GPC6: variants seen among roughly 807,000 people sequenced by gnomAD.
GPC6 encodes glypican 6.
In GPC6, 14 loss-of-function variants were observed where a neutral mutation model predicts 55.2. That is an observed-to-expected ratio of 0.25 (90% CI 0.17 to 0.40). The LOEUF (loss-of-function observed/expected upper bound fraction) is 0.40. GPC6 is among the 10% of genes least tolerant of loss of function. The pLI, the probability that GPC6 is intolerant of heterozygous loss-of-function variation, is 1.00. For synonymous variants in GPC6, 278 were observed against 259.6 expected (o/e 1.07, Z -0.68); for missense variants, 641 against 708.5 (o/e 0.90, Z 1.08).
intron 2 of GPC6, among the ~76,000 whole-genome samples, chr13:93,668,869 T>A (rs574296696): frequency 6.6e-6 from 1 of 152,368 alleles, no homozygotes; most frequent in African/African-American, 2.4e-5. Context: ...AAACGTAGGC[T>A]GCTTACCTGG....
In GPC6 at chr13:93,813,228, C is replaced by A. The variant is rs1218160679; in HGVS notation, c.320-16926C>A. Among the ~76,000 whole-genome samples, 3 of 152,060 alleles carry A rather than the reference C, an allele frequency of 2.0e-5. No homozygotes were observed. The East Asian group carries it at 5.8e-4, about 29-fold the overall frequency. On this transcript the variant is annotated intron_variant, in intron 2 of 8. Transcript: ENST00000377047. ...GTCAGGAGTTCGAGACCAGCCTGAT[C>A]AACTTGGTGAAACCCCCGTCTCTAC...
At chr13:93,537,078 TG>T (rs1399829118) in intron 1 of GPC6, among the ~76,000 whole-genome samples, 1 of 152,164 alleles carries the variant, frequency 6.6e-6, no homozygotes, top group Non-Finnish European at 1.5e-5. Flanking sequence ...GACTTTGTGA[TG>T]TGAAAGTTTC....
chr13:93,316,729 C>A (rs1277441655), intron 1 of GPC6, among the ~76,000 whole-genome samples: 3 of 151,944 alleles, frequency 2.0e-5, no homozygotes, highest in African/African-American at 7.3e-5. Context: ...AGCCTTATAC[C>A]AAAGTATTTT....
chr13:93,398,677 G>T (rs1178879750), intron 1 of GPC6, among the ~76,000 whole-genome samples: 1 of 152,032 alleles, frequency 6.6e-6, no homozygotes, highest in Non-Finnish European at 1.5e-5. Flanking sequence ...TTTAAACCAG[G>T]TCCTATGCCA....
At chr13:93,457,318 A>T (rs990667819) in intron 1 of GPC6, among the ~76,000 whole-genome samples, 1 of 152,150 alleles carries the variant, frequency 6.6e-6, no homozygotes, top group South Asian at 2.1e-4. Flanking sequence ...CCTTATCTTT[A>T]CCCAACTAAT....
chr13:93,936,224 C>T (rs1176475942), intron 3 of GPC6, among the ~76,000 whole-genome samples: 2 of 152,128 alleles, frequency 1.3e-5, no homozygotes, highest in Non-Finnish European at 2.9e-5. Context: ...CATGACAAGT[C>T]ATTTTATTCA....
At chr13:93,288,501 T>C (rs1457649904) in intron 1 of GPC6, among the ~76,000 whole-genome samples, 3 of 152,146 alleles carry the variant, frequency 2.0e-5, no homozygotes, top group Non-Finnish European at 4.4e-5. Flanking sequence ...AATCTAAGGG[T>C]CCTTTGATGA....
At chr13:93,676,053 C>T (rs9556315) in intron 2 of GPC6, among the ~76,000 whole-genome samples, 81,191 of 145,336 alleles carry the variant, frequency 0.56, 23,337 homozygotes, top group Middle Eastern at 0.75. Context: ...GGTGGATCAC[C>T]TGAGGTCAGG....
intron 2 of GPC6, 69 bp from the exon 3 acceptor site, chr13:93,830,085 T>G (rs1887424728): frequency 1.8e-6 from 2 of 1,129,950 alleles, no homozygotes; most frequent in African/African-American, 1.6e-5. Context: ...CAGTTGTACT[T>G]AAGGTAAGTG....
chr13:93,779,146 T>G (rs1885558471), intron 2 of GPC6, among the ~76,000 whole-genome samples: 3 of 152,224 alleles, frequency 2.0e-5, no homozygotes, highest in Non-Finnish European at 4.4e-5. Flanking sequence ...TTTATATCAC[T>G]TTCTATGCCT....
intron 1 of GPC6, among the ~76,000 whole-genome samples, chr13:93,368,389 C>CTTCCTTCCTTCT: frequency 1.1e-5 from 1 of 88,972 alleles, no homozygotes; most frequent in African/African-American, 3.1e-5. Context: ...TCCTTCCTTC[C>CTTCCTTCCTTCT]GTCCTTCCTT....
chr13:93,676,138 T>A (rs1347668879), intron 2 of GPC6, among the ~76,000 whole-genome samples: 127 of 7,846 alleles, frequency 0.016, 1 homozygote, highest in Middle Eastern at 0.25. Flanking sequence ...TATATATATA[T>A]ATATATATAT....
chr13:93,911,088 A>G (rs1400512626), intron 3 of GPC6, among the ~76,000 whole-genome samples: 2 of 152,216 alleles, frequency 1.3e-5, no homozygotes, highest in Non-Finnish European at 2.9e-5. Flanking sequence ...TATCTTTTAA[A>G]CTTTTAATGA....
chr13:93,523,205 G>A (rs960356215), intron 1 of GPC6, among the ~76,000 whole-genome samples: 1 of 144,266 alleles, frequency 6.9e-6, no homozygotes, highest in African/African-American at 2.5e-5. Flanking sequence ...ATAATATTGT[G>A]TATATGTATA....
At chr13:94,400,893 A>T (rs910099736) in intron 8 of GPC6, among the ~76,000 whole-genome samples, 4 of 152,160 alleles carry the variant, frequency 2.6e-5, no homozygotes, top group African/African-American at 9.7e-5. Flanking sequence ...TATTACTCTC[A>T]TTTTTACGGG....
chr13:94,131,321 A>G (rs1462379155), intron 4 of GPC6, among the ~76,000 whole-genome samples: 1 of 152,182 alleles, frequency 6.6e-6, no homozygotes, highest in East Asian at 1.9e-4. Flanking sequence ...GGCTTTAAAA[A>G]TTCAAAAAAT....
intron 4 of GPC6, among the ~76,000 whole-genome samples, chr13:94,083,222 C>G (rs1333658426): frequency 6.6e-6 from 1 of 152,062 alleles, no homozygotes; most frequent in Non-Finnish European, 1.5e-5. Flanking sequence ...TGGTACTTGC[C>G]ATTCTCCTGC....
intron 1 of GPC6, among the ~76,000 whole-genome samples, chr13:93,462,123 C>T (rs1878713895): frequency 6.6e-6 from 1 of 152,106 alleles, no homozygotes; most frequent in Non-Finnish European, 1.5e-5. Context: ...CCTTCATTTG[C>T]TTTCAGGAGT....
At chr13:93,241,254 C>T (rs1009715597) in intron 1 of GPC6, among the ~76,000 whole-genome samples, 6 of 152,168 alleles carry the variant, frequency 3.9e-5, no homozygotes, top group Non-Finnish European at 8.8e-5. Flanking sequence ...ACTTTTTCTT[C>T]TTCTCCTTCA....
Sources: gnomAD v4.1 joint callset for allele counts (sites outside exome capture counted in the v4.1 genomes callset) on GRCh38, gnomAD v4.1.1 for gene constraint, MANE v1.5 for transcripts, NCBI Gene and HGNC (gene_info 2026-07-23, HGNC 2026-07-21) for gene names.